The following PARD3 variants were observed in gnomAD, a reference collection of about 807,000 sequenced individuals.
The protein encoded by PARD3 is partitioning defective 3 homolog.
In PARD3, 75 loss-of-function variants were observed where a neutral mutation model predicts 155.4. The ratio of observed to expected loss-of-function variants is 0.48; its 90% CI spans 0.40 to 0.58. The LOEUF (loss-of-function observed/expected upper bound fraction) is 0.58, where lower values mean the gene tolerates loss of function less well. Ranked by LOEUF, PARD3 falls within the 20% of genes least tolerant of loss-of-function variation. PARD3 has a pLI of 0.00. For missense variants in PARD3, 1,642 were observed against 1,721.7 expected (o/e 0.95, Z 0.82); for synonymous variants, 576 against 610.5 (o/e 0.94, Z 0.83).
chr10:34,809,585 C>G (rs781577364), intron 1 of PARD3, among the ~76,000 whole-genome samples: 2 of 152,200 alleles, frequency 1.3e-5, no homozygotes, highest in Non-Finnish European at 2.9e-5. Context: ...AATGCCAGAA[C>G]AGAGGCAGCA....
At chr10:34,250,147 C>CT (rs1954211261) in intron 22 of PARD3, among the ~76,000 whole-genome samples, 1 of 147,658 alleles carries the variant, frequency 6.8e-6, no homozygotes, top group Non-Finnish European at 1.5e-5. Flanking sequence ...AAGAAAACTG[C>CT]TCCCCCTCCA....
intron 1 of PARD3, among the ~76,000 whole-genome samples, chr10:34,804,893 T>C (rs1843178120): frequency 1.3e-5 from 2 of 152,258 alleles, no homozygotes; most frequent in Middle Eastern, 3.2e-3. Context: ...ACACATCTTT[T>C]GATTGGTTAG....
At chr10:34,683,104 C>T (rs938621244) in intron 2 of PARD3, among the ~76,000 whole-genome samples, 2 of 152,162 alleles carry the variant, frequency 1.3e-5, no homozygotes, top group African/African-American at 4.8e-5. Context: ...ATAGATGGAA[C>T]TGGAAGCCAA....
At chr10:34,627,315 A>C (rs2092027667) in intron 2 of PARD3, among the ~76,000 whole-genome samples, 1 of 152,212 alleles carries the variant, frequency 6.6e-6, no homozygotes. Context: ...GGCATGAGCC[A>C]CCGTGCCCAG....
intron 1 of PARD3, among the ~76,000 whole-genome samples, chr10:34,708,219 T>A (rs1354292958): frequency 6.6e-6 from 1 of 152,084 alleles, no homozygotes; most frequent in Admixed American, 6.6e-5. Context: ...TGAGTTTTTC[T>A]TTGTTTTTTG....
intron 9 of PARD3, among the ~76,000 whole-genome samples, chr10:34,381,029 G>A (rs1305847563): frequency 2.0e-5 from 3 of 152,154 alleles, no homozygotes; most frequent in Non-Finnish European, 2.9e-5. Flanking sequence ...TGTTTGCAAC[G>A]AGGCAAGCTG....
At chr10:34,213,091 T>C (rs1056336391) in intron 22 of PARD3, among the ~76,000 whole-genome samples, 3 of 152,158 alleles carry the variant, frequency 2.0e-5, no homozygotes, top group African/African-American at 7.2e-5. Flanking sequence ...CCTAAGACCA[T>C]GTAATTTACA....
At chr10:34,476,465 C>T (rs1171631721) in intron 3 of PARD3, among the ~76,000 whole-genome samples, 1 of 152,094 alleles carries the variant, frequency 6.6e-6, no homozygotes, top group African/African-American at 2.4e-5. Context: ...AACAGTACTG[C>T]ACTTATGGCC....
intron 22 of PARD3, among the ~76,000 whole-genome samples, chr10:34,194,980 T>A (rs534372932): frequency 1.3e-5 from 2 of 152,350 alleles, no homozygotes; most frequent in East Asian, 3.9e-4. Context: ...CCTGGCAGAA[T>A]AAGCCTGTCC....
intron 24 of PARD3, among the ~76,000 whole-genome samples, chr10:34,114,640 C>T (rs894899874): frequency 1.5e-4 from 23 of 152,280 alleles, no homozygotes; most frequent in Admixed American, 4.6e-4. Context: ...CCACTCTGCT[C>T]GGCCAAAAAT....
intron 21 of PARD3, among the ~76,000 whole-genome samples, chr10:34,283,602 G>C (rs1348623943): frequency 6.6e-6 from 1 of 152,094 alleles, no homozygotes; most frequent in East Asian, 1.9e-4. Context: ...AACTTAAGTG[G>C]AAAATGTCAC....
At chr10:34,751,727 T>A (rs11813991) in intron 1 of PARD3, among the ~76,000 whole-genome samples, 1 of 150,900 alleles carries the variant, frequency 6.6e-6, no homozygotes, top group South Asian at 2.1e-4. Flanking sequence ...CTTCAGCCCC[T>A]CAAGTAGCTG....
chr10:34,280,846 C>T (rs1027760562), intron 21 of PARD3, among the ~76,000 whole-genome samples: 11 of 152,248 alleles, frequency 7.2e-5, no homozygotes, highest in South Asian at 4.2e-4. Flanking sequence ...CTGTTCCTAT[C>T]TTGGTGACTC....
At chr10:34,632,046 G>A (rs942311561) in intron 2 of PARD3, among the ~76,000 whole-genome samples, 1 of 152,152 alleles carries the variant, frequency 6.6e-6, no homozygotes, top group Non-Finnish European at 1.5e-5. Flanking sequence ...CTTTGGAAGG[G>A]GGAGGCTTTT....
intron 20 of PARD3, among the ~76,000 whole-genome samples, chr10:34,304,616 C>T (rs1957312640): frequency 6.6e-6 from 1 of 152,146 alleles, no homozygotes; most frequent in South Asian, 2.1e-4. Flanking sequence ...GGAACACGGC[C>T]TTTGAGGTTG....
chr10:34,690,612 C>T (rs767427814), intron 2 of PARD3, among the ~76,000 whole-genome samples: 18 of 152,146 alleles, frequency 1.2e-4, no homozygotes, highest in Non-Finnish European at 2.2e-4. Context: ...ACCAAACTTC[C>T]ACAACAGGTT....
At chr10:34,339,984 T>C (rs149528303) in intron 16 of PARD3, among the ~76,000 whole-genome samples, 3 of 152,324 alleles carry the variant, frequency 2.0e-5, no homozygotes, top group Middle Eastern at 3.4e-3. Context: ...TTTGTTTTCA[T>C]AGCATTTTCA....
chr10:34,115,999 C>T (rs2132651454), intron 24 of PARD3, among the ~76,000 whole-genome samples: 1 of 152,280 alleles, frequency 6.6e-6, no homozygotes, highest in Admixed American at 6.5e-5. Flanking sequence ...GCGTAAGCCA[C>T]CACGCCCAGC....
intron 22 of PARD3, among the ~76,000 whole-genome samples, chr10:34,226,462 A>G (rs2133521505): frequency 6.6e-6 from 1 of 152,362 alleles, no homozygotes; most frequent in South Asian, 2.1e-4. Flanking sequence ...AGGCAAGAGA[A>G]CTGCTTGAAT....
Sources: allele counts gnomAD v4.1 joint callset (sites outside exome capture counted in the v4.1 genomes callset), GRCh38; gene constraint gnomAD v4.1.1; transcripts MANE v1.5; gene names NCBI Gene and HGNC (gene_info 2026-07-23, HGNC 2026-07-21).